MCF2L: variants seen among roughly 807,000 people sequenced by gnomAD.
MCF2L encodes MCF.2 cell line derived transforming sequence like.
Under a neutral mutation model 153.4 loss-of-function variants are expected in MCF2L, and 97 were observed. The observed-to-expected ratio is 0.63, with a 90% CI of 0.54 to 0.75. The LOEUF is 0.75. MCF2L is among the 30% of genes least tolerant of loss of function. The probability of loss-of-function intolerance (pLI) is 0.00; values close to 1 mark genes in which losing one functional copy is unlikely to be tolerated. For synonymous variants in MCF2L, 659 were observed against 632.2 expected (o/e 1.04, Z -0.64); for missense variants, 1,347 against 1,495.2 (o/e 0.90, Z 1.64).
chr13:112,896,456 G>GCCCC (rs1211560233), intron 1 of MCF2L, among the ~76,000 whole-genome samples: 4 of 144,816 alleles, frequency 2.8e-5, no homozygotes, highest in African/African-American at 1.2e-4. Context: ...TCAGAAGAGA[G>GCCCC]GCCCCCCCTG....
intron 2 of MCF2L, among the ~76,000 whole-genome samples, chr13:112,905,525 G>T (rs894089640): frequency 2.0e-5 from 3 of 152,208 alleles, no homozygotes; most frequent in African/African-American, 7.2e-5. Context: ...GGACAAAGAC[G>T]AGGGATTTGA....
At chr13:113,088,844 C>T (rs1433530417) in intron 25 of MCF2L, among the ~76,000 whole-genome samples, 1 of 152,218 alleles carries the variant, frequency 6.6e-6, no homozygotes, top group Non-Finnish European at 1.5e-5. Context: ...CAGCTCTTCC[C>T]GGGGTGGGCT....
chr13:112,921,584 G>A (rs936493062), intron 2 of MCF2L, among the ~76,000 whole-genome samples: 1 of 152,114 alleles, frequency 6.6e-6, no homozygotes, highest in Non-Finnish European at 1.5e-5. Flanking sequence ...GTCAACCTGC[G>A]AACACTGCTG....
At chr13:112,944,533 C>T (rs1594364890) in intron 2 of MCF2L, among the ~76,000 whole-genome samples, 1 of 149,590 alleles carries the variant, frequency 6.7e-6, no homozygotes, top group East Asian at 2.0e-4. Flanking sequence ...CGCAGAAGAG[C>T]TGTCAATCTG....
intron 4 of MCF2L, chr13:113,052,862 T>G (rs2087451448): frequency 6.6e-6 from 1 of 151,528 alleles, no homozygotes. Context: ...CATAGACACA[T>G]ACACAGACAC....
chr13:112,913,328 G>A (rs570912648), intron 2 of MCF2L, among the ~76,000 whole-genome samples: 2 of 152,148 alleles, frequency 1.3e-5, no homozygotes, highest in Non-Finnish European at 2.9e-5. Context: ...GTGTCTTTGT[G>A]TGATTTTTTG....
In MCF2L at chr13:112,979,597, C is replaced by T. The variant is rs903068057; in HGVS notation, c.79+10139C>T. ...GGCTGTGGCTCTAGCATCAGGGGGT[C>T]GCCTGTGGTCCCTGCGTGAAGAACC... On this transcript the variant is annotated intron_variant, in intron 1 of 29. Coordinates refer to ENST00000535094, the MANE Select transcript of MCF2L (RefSeq NM_001112732.3). 5.6e-6 allele frequency: 9 copies of T among 1,600,550 alleles called. 1 individual carries two copies. Among genetic ancestry groups the T allele is most frequent in the Middle Eastern group, 3.6e-4 (2 of 5,546 alleles).
chr13:112,913,594 G>C (rs2081258701), intron 2 of MCF2L, among the ~76,000 whole-genome samples: 2 of 152,140 alleles, frequency 1.3e-5, no homozygotes, highest in African/African-American at 4.8e-5. Flanking sequence ...TGGCAAATAT[G>C]CGTTGTCTTT....
rs1310505216 is a variant in MCF2L, at chr13:112,932,977, G to A, written c.169+30606G>A. On this transcript the variant is annotated intron_variant, in intron 2 of 29. Coordinates refer to the MCF2L transcript ENST00000375608. The surrounding 1 kb of genome is among the most constrained non-coding windows in gnomAD (Gnocchi z 4.6). ...ACGCAGGAGGTGGAGATTTTAGTGAGGCAAGATTGTGCCACTGCCCCCCAA... is the reference window on the plus strand; with the variant it reads ...ACGCAGGAGGTGGAGATTTTAGTGAAGCAAGATTGTGCCACTGCCCCCCAA... 6.6e-6 allele frequency among the ~76,000 whole-genome samples: 1 copy of A among 152,096 alleles called. No homozygotes were observed. Among genetic ancestry groups the A allele is most frequent in the Non-Finnish European group, 1.5e-5 (1 of 68,036 alleles).
intron 2 of MCF2L, among the ~76,000 whole-genome samples, chr13:113,023,735 C>T (rs932674738): frequency 1.3e-5 from 2 of 152,194 alleles, no homozygotes; most frequent in Non-Finnish European, 2.9e-5. Context: ...ACTCCACGCA[C>T]GGGGCACTGA....
intron 26 of MCF2L, 197 bp from the exon 27 acceptor site, chr13:113,094,317 G>A (rs1172656618): frequency 4.7e-6 from 2 of 427,654 alleles, no homozygotes; most frequent in African/African-American, 2.1e-5. Context: ...CTCAAACCCT[G>A]AAACGTGCCA....
At chr13:113,002,223 G>A (rs1170189984) in intron 1 of MCF2L, among the ~76,000 whole-genome samples, 2 of 152,344 alleles carry the variant, frequency 1.3e-5, no homozygotes, top group African/African-American at 4.8e-5. Flanking sequence ...ATGGTTTAGG[G>A]CCATGGCCCT....
chr13:112,936,132 T>C (rs1253258946), intron 2 of MCF2L, among the ~76,000 whole-genome samples: 1 of 151,850 alleles, frequency 6.6e-6, no homozygotes, highest in South Asian at 2.1e-4. Flanking sequence ...ATACAAAAAT[T>C]AGCTGGGTAC....
chr13:113,076,221 G>A lies in MCF2L; in HGVS notation c.1500+64G>A, dbSNP rs139188464. On this transcript the variant is annotated intron_variant, in intron 12 of 29. Transcript: ENST00000535094. Reference sequence around the variant, plus strand: ...CCCGAGCAGTGAGGCATTCCTCTGTGGGAAGTTTGAAAGAATCATTTAATG... The same window carrying A: ...CCCGAGCAGTGAGGCATTCCTCTGTAGGAAGTTTGAAAGAATCATTTAATG... 1.7e-4 allele frequency: 210 copies of A among 1,204,344 alleles called. No individual in the cohort carries two copies. The African/African-American group carries it at 2.9e-3, about 16-fold the overall frequency. 74.6% of individuals were successfully genotyped at this position (1,204,344 alleles called of 1,614,324 possible).
rs11842238 is a variant in MCF2L at position 113,030,021 on chromosome 13, G to A, written c.278+5263G>A. Among the ~76,000 whole-genome samples, 1,392 of 152,316 alleles carry A rather than the reference G, an allele frequency of 9.1e-3. 22 individuals carry two copies. The highest frequency in any genetic ancestry group is 0.031 in the African/African-American group (1,306 of 41,554). On this transcript the variant is annotated intron_variant, in intron 3 of 29. Transcript: ENST00000535094. ...TTTAACTTTCCTTCTGTTTTCATAT[G>A]CAAATGCCAGGTGTCCCAATTTAAG... is the stretch of plus-strand genomic sequence containing the variant.
chr13:113,094,703 C>A, intron 27 of MCF2L, 68 bp downstream of exon 27: 9 of 1,535,048 alleles, frequency 5.9e-6, no homozygotes, highest in Non-Finnish European at 7.0e-6. Flanking sequence ...GTGCTTCTGG[C>A]AGGTCCACCC....
chr13:112,898,495 A>G (rs1218352638), intron 1 of MCF2L, among the ~76,000 whole-genome samples: 2 of 152,018 alleles, frequency 1.3e-5, no homozygotes, highest in South Asian at 4.1e-4. Context: ...ACCACTGGCC[A>G]CTCGCAGCCT....
At chr13:112,987,496 C>A (rs2082696844) in intron 1 of MCF2L, among the ~76,000 whole-genome samples, 1 of 152,244 alleles carries the variant, frequency 6.6e-6, no homozygotes, top group Non-Finnish European at 1.5e-5. Context: ...CCTTCTGCAG[C>A]CGCACAGTTG....
chr13:113,063,766 G>A (rs936876370), intron 5 of MCF2L: 14 of 443,590 alleles, frequency 3.2e-5, no homozygotes, highest in Non-Finnish European at 5.5e-5. Flanking sequence ...TCCTTTCTAC[G>A]GCTGAGTTCA....
Sources: gnomAD v4.1 joint callset for allele counts (sites outside exome capture counted in the v4.1 genomes callset) on GRCh38, gnomAD v4.1.1 for gene constraint, Gnocchi (gnomAD v3.1) non-coding constraint, MANE v1.5 for transcripts, NCBI Gene and HGNC (gene_info 2026-07-23, HGNC 2026-07-21) for gene names.